Variants in DNAH10 observed in about 807,000 individuals in gnomAD.
DNAH10 encodes dynein axonemal heavy chain 10.
In DNAH10, 348 loss-of-function variants were observed where a neutral mutation model predicts 506.6. The ratio of observed to expected loss-of-function variants is 0.69; its 90% confidence interval spans 0.63 to 0.75. DNAH10 has a LOEUF of 0.75. DNAH10 is among the 30% of genes least tolerant of loss of function. The probability of loss-of-function intolerance (pLI) is 0.00; values close to 1 mark genes in which losing one functional copy is unlikely to be tolerated. For synonymous variants in DNAH10, 2,059 were observed against 2,198.6 expected (o/e 0.94, Z 1.78); for missense variants, 5,179 against 5,787.1 (o/e 0.89, Z 3.41).
intron 5 of DNAH10, among the ~76,000 whole-genome samples, chr12:123,774,908 C>T (rs1957384658): frequency 1.3e-5 from 2 of 152,142 alleles, no homozygotes; most frequent in Admixed American, 1.3e-4. Flanking sequence ...GAGGGTCAAG[C>T]AGTGGACAGG....
At chr12:123,774,843 TGGCCAGTTTTGG>T in intron 5 of DNAH10, among the ~76,000 whole-genome samples, 1 of 152,308 alleles carries the variant, frequency 6.6e-6, no homozygotes, top group East Asian at 1.9e-4. Flanking sequence ...ATTTTATTTA[TGGCCAGTTTTGG>T]GGCCAGTTTG....
intron 3 of DNAH10, among the ~76,000 whole-genome samples, chr12:123,772,500 C>G (rs766055032): frequency 4.6e-5 from 7 of 152,234 alleles, no homozygotes; most frequent in Non-Finnish European, 1.0e-4. Flanking sequence ...AGCATTCAGC[C>G]TGGCCTATGC....
intron 12 of DNAH10, among the ~76,000 whole-genome samples, chr12:123,794,804 G>A (rs1958213377): frequency 6.0e-5 from 9 of 150,092 alleles, no homozygotes. Context: ...CCATGATCTT[G>A]CCACTGTACT....
chr12:123,897,714 G>A, intron 54 of DNAH10, 56 bp from the exon 55 acceptor site: 2 of 1,566,066 alleles, frequency 1.3e-6, no homozygotes, highest in Non-Finnish European at 1.7e-6. Context: ...AACAGAGTGA[G>A]ACCCTGTGTC....
Position 123,929,407 on chromosome 12 carries a change from G to A in DNAH10, c.12439G>A (p.Ala4147Thr), listed in dbSNP as rs764476446. The A allele has an allele frequency of 6.2e-7, 1 of 1,613,706 alleles. No individual in the cohort carries two copies. Among genetic ancestry groups the A allele is most frequent in the South Asian group, 1.1e-5 (1 of 90,916 alleles). The change falls in exon 71 of 79, where the codon GCT becomes ACT. Residue 4147 changes from alanine to threonine, a missense_variant. Coordinates refer to ENST00000673944, the MANE Select transcript of DNAH10 (RefSeq NM_001372106.1). Reference protein sequence around the residue: ...PLVYVLAFFHAVVQERRKFGK... With the variant: ...PLVYVLAFFHTVVQERRKFGK... ...GGTCTACGTGCTGGCGTTCTTTCAT[G>A]CTGTGGTGCAGGAGAGAAGGAAGTT...
In DNAH10 at chr12:123,848,755, T is replaced by C; in HGVS notation, c.5975T>C (p.Leu1992Pro). The change falls in exon 34 of 79, where the codon CTG becomes CCG. Residue 1992 changes from leucine to proline, a missense_variant. Leu to Pro is a moderately conservative substitution (Grantham distance 98). Around this residue, in one of 3 missense-constraint regions of DNAH10, gnomAD observed 4,844 missense variants for 5,430.5 expected, o/e 0.89. Coordinates refer to ENST00000673944, the MANE Select transcript of DNAH10 (RefSeq NM_001372106.1). ...GCCGTGGGGAAGATTTTCTCTGGCC[T>C]GGCACAGTGCGGGGCTTGGGGCTGC... The part of the protein sequence containing the change: ...YRAVGKIFSG[L>P]AQCGAWGCFD... 1 of 1,614,052 alleles carries C rather than the reference T, an allele frequency of 6.2e-7. No homozygotes were observed.
chr12:123,930,510 T>G lies in DNAH10; in HGVS notation c.12721T>G (p.Phe4241Val), dbSNP rs375708840. The change falls in exon 73 of 79, where the codon TTC becomes GTC. Residue 4241 changes from phenylalanine to valine, a missense_variant. Phe to Val is a conservative substitution (Grantham distance 50, BLOSUM62 -1). Coordinates refer to ENST00000673944, the MANE Select transcript of DNAH10 (RefSeq NM_001372106.1). ...FIFDTFQPFH[F>V]FRNKEVDYKI... ...TTTTGATACTTTCCAGCCATTCCAC[T>G]TCTTCCGGAACAAGGAAGTGGACTA... is the stretch of plus-strand genomic sequence containing the variant. The G allele has an allele frequency of 4.3e-5, 70 of 1,610,318 alleles. No individual in the cohort carries two copies. Among genetic ancestry groups the G allele is most frequent in the African/African-American group, 5.4e-5 (4 of 74,640 alleles).
chr12:123,795,684 A>G (rs1343683546), intron 12 of DNAH10, among the ~76,000 whole-genome samples: 1 of 152,196 alleles, frequency 6.6e-6, no homozygotes, highest in Non-Finnish European at 1.5e-5. Flanking sequence ...TTTGTCATGT[A>G]ACATTACATA....
intron 3 of DNAH10, among the ~76,000 whole-genome samples, chr12:123,772,423 A>T (rs760202714): frequency 2.0e-5 from 3 of 152,218 alleles, no homozygotes; most frequent in Non-Finnish European, 4.4e-5. Context: ...GGTTTGGACA[A>T]CACAGACCTG....
rs983137446 is a variant in DNAH10, at chr12:123,931,335, T to C, written c.12785-6T>C. 8.7e-6 allele frequency: 14 copies of C among 1,613,232 alleles called. 1 individual carries two copies. The highest frequency in any genetic ancestry group is 5.3e-5 in the African/African-American group (4 of 74,932). On this transcript the variant is annotated splice_polypyrimidine_tract_variant and splice_region_variant and intron_variant, in intron 73 of 78. Transcript: ENST00000673944. ...GTGCCACCTCCGTTGTTCTCTGTGATTGCAGAAGCCATCGAGGCCCTCCCG... is the reference window on the plus strand; with the variant it reads ...GTGCCACCTCCGTTGTTCTCTGTGACTGCAGAAGCCATCGAGGCCCTCCCG...
At chr12:123,864,527 G>A in intron 39 of DNAH10, 68 bp from the exon 40 acceptor site, 1 of 1,570,232 alleles carries the variant, frequency 6.4e-7, no homozygotes, top group Non-Finnish European at 8.6e-7. Context: ...TGAATGGGCA[G>A]GTTATACCAA....
Position 123,771,684 on chromosome 12 carries a change from A to G in DNAH10, c.382A>G (p.Lys128Glu). ...AGAAATGGACAAAGAGATTTCAGAA[A>G]AACTCCCTTCCAAAGTAAGCATGGC... ...DEEMDKEISE[K>E]LPSKRTAKHI... Residue 128 changes from lysine to glutamate, a missense_variant, in exon 3 of 79, where the codon AAA becomes GAA. This residue lies in a region of DNAH10 where 326 missense variants were observed against 330.8 expected (regional missense o/e 0.99). Coordinates refer to ENST00000673944, the MANE Select transcript of DNAH10 (RefSeq NM_001372106.1). The G allele has an allele frequency of 6.2e-7, 1 of 1,611,784 alleles. No homozygotes were observed. Among genetic ancestry groups the G allele is most frequent in the Non-Finnish European group, 8.5e-7 (1 of 1,179,006 alleles).
At chr12:123,896,869 C>T (rs1283695032) in intron 54 of DNAH10, among the ~76,000 whole-genome samples, 2 of 152,132 alleles carry the variant, frequency 1.3e-5, no homozygotes, top group African/African-American at 4.8e-5. Flanking sequence ...ATAACATTTT[C>T]CATTTTAAGC....
chr12:123,912,910 A>G (rs1207177507), intron 59 of DNAH10, among the ~76,000 whole-genome samples, 188 bp from the exon 60 acceptor site: 2 of 152,336 alleles, frequency 1.3e-5, no homozygotes, highest in East Asian at 1.9e-4. Context: ...CTAATGGGAC[A>G]TGGAGTTTTT....
At chr12:123,799,785 T>TTTC (rs1958415844) in intron 14 of DNAH10, among the ~76,000 whole-genome samples, 1 of 152,152 alleles carries the variant, frequency 6.6e-6, no homozygotes, top group African/African-American at 2.4e-5. Flanking sequence ...ACTTGGTGAA[T>TTTC]GCTCGATAAA....
chr12:123,839,655 C>A (rs1950695495), intron 29 of DNAH10, among the ~76,000 whole-genome samples: 1 of 137,848 alleles, frequency 7.3e-6, no homozygotes, highest in Non-Finnish European at 1.5e-5. Context: ...CCTCTATTTT[C>A]TTTTCTATTT....
chr12:123,818,341 T>A (rs1959180892), intron 21 of DNAH10, among the ~76,000 whole-genome samples: 3 of 152,170 alleles, frequency 2.0e-5, no homozygotes, highest in Admixed American at 2.0e-4. Context: ...TTTATTTTTT[T>A]GAGATAGAAT....
At chr12:123,864,769 T>G (rs1434307608) in intron 40 of DNAH10, 39 bp downstream of exon 40, 2 of 1,569,678 alleles carry the variant, frequency 1.3e-6, no homozygotes, top group Non-Finnish European at 1.7e-6. Flanking sequence ...CATAAATCTT[T>G]CTTGTAATTA....
chr12:123,877,041 C>T (rs753118009), intron 47 of DNAH10, among the ~76,000 whole-genome samples: 8 of 152,194 alleles, frequency 5.3e-5, no homozygotes, highest in Non-Finnish European at 1.0e-4. Context: ...CCATTCACAG[C>T]GTTGTGCAAC....
Sources: allele counts gnomAD v4.1 joint callset (sites outside exome capture counted in the v4.1 genomes callset), GRCh38; gene constraint gnomAD v4.1.1; regional missense constraint gnomAD v4.1.1; transcripts MANE v1.5; gene names NCBI Gene and HGNC (gene_info 2026-07-23, HGNC 2026-07-21).